Variants in ANKRD31 observed in about 807,000 individuals in gnomAD.
ANKRD31 encodes the protein ankyrin repeat domain-containing protein 31.
A neutral mutation model predicts 186.0 loss-of-function variants in ANKRD31; 147 were observed. The observed-to-expected ratio is 0.79, with a 90% CI of 0.69 to 0.91. The LOEUF is 0.91. Among genes scored for constraint, ANKRD31 ranks in the 40% least tolerant of loss-of-function variants. The pLI is 0.00. For missense variants in ANKRD31, 1,986 were observed against 2,148.8 expected, an observed-to-expected ratio of 0.92 and a Z score of 1.50; for synonymous variants, 673 against 736.4, an observed-to-expected ratio of 0.91 and a Z score of 1.39.
intron 11 of ANKRD31, among the ~76,000 whole-genome samples, chr5:75,161,702 T>C (rs1055165140): frequency 1.3e-4 from 20 of 152,168 alleles, no homozygotes; most frequent in Non-Finnish European, 2.6e-4. Flanking sequence ...AATGGTTTCA[T>C]GGGCCCGGGC....
intron 8 of ANKRD31, among the ~76,000 whole-genome samples, chr5:75,193,009 T>A (rs1387850676): frequency 6.6e-6 from 1 of 152,108 alleles, no homozygotes; most frequent in Non-Finnish European, 1.5e-5. Context: ...GTTTCTCTTC[T>A]TTAGGATTAG....
In ANKRD31 at chr5:75,104,356, G is replaced by A. The variant is rs1747152881; in HGVS notation, c.5203C>T (p.Gln1735Ter). 6.5e-7 allele frequency: 1 copy of A among 1,536,704 alleles called. No homozygotes were observed. Among genetic ancestry groups the A allele is most frequent in the Non-Finnish European group, 8.7e-7 (1 of 1,146,810 alleles). Reference protein sequence around the residue: ...SQISSSSGSGQQDTIKKALNY... With the variant: ...SQISSSSGSG The stretch of plus-strand genomic sequence containing the variant: ...AAAGCCTTTTTTATTGTATCTTGTT[G>A]CCCAGATCCAGAGGAAGAGGAGATC... The change falls in exon 22 of 26, where the codon CAA becomes TAA. Residue 1735 changes from glutamine (Q) to a stop codon, truncating the protein, a stop_gained. Coordinates refer to ENST00000506364, the MANE Select transcript of ANKRD31 (RefSeq NM_001372053.1). LOFTEE classifies it high-confidence loss of function.
intron 11 of ANKRD31, among the ~76,000 whole-genome samples, chr5:75,160,204 A>C (rs1343035304): frequency 6.6e-6 from 1 of 152,122 alleles, no homozygotes; most frequent in Admixed American, 6.6e-5. Flanking sequence ...ATAGAACAAA[A>C]ATAGGGAAAA....
chr5:75,080,341 T>C (rs907355129), intron 25 of ANKRD31, among the ~76,000 whole-genome samples: 1 of 152,212 alleles, frequency 6.6e-6, no homozygotes, highest in Admixed American at 6.5e-5. Flanking sequence ...TGGAAAGCTA[T>C]GGTGTGCCAG....
At chr5:75,203,783 TAC>T (rs932009177) in intron 5 of ANKRD31, among the ~76,000 whole-genome samples, 20 of 152,098 alleles carry the variant, frequency 1.3e-4, no homozygotes, top group African/African-American at 4.6e-4. Context: ...TACATCCTCA[TAC>T]ACACACACAA....
At chr5:75,149,184 A>G (rs1751690669) in intron 12 of ANKRD31, among the ~76,000 whole-genome samples, 1 of 151,880 alleles carries the variant, frequency 6.6e-6, no homozygotes, top group Non-Finnish European at 1.5e-5. Flanking sequence ...GTCTCTTCAT[A>G]GCCTCCTTTA....
intron 24 of ANKRD31, 109 bp downstream of exon 24, chr5:75,084,163 T>C: frequency 2.5e-6 from 2 of 796,614 alleles, no homozygotes; most frequent in Non-Finnish European, 4.0e-6. Flanking sequence ...ATTATAATGA[T>C]TGTTAATTTC....
chr5:75,204,448 T>C (rs1756019355), intron 5 of ANKRD31, among the ~76,000 whole-genome samples: 8 of 152,236 alleles, frequency 5.3e-5, no homozygotes, highest in Admixed American at 4.6e-4. Context: ...ATCTAATGTT[T>C]TGTCCGAGAA....
At chr5:75,081,759 G>GGA (rs148500356) in intron 24 of ANKRD31, among the ~76,000 whole-genome samples, 2 of 150,422 alleles carry the variant, frequency 1.3e-5, no homozygotes, top group East Asian at 3.9e-4. Flanking sequence ...CAACGGGGGC[G>GGA]GAGAGAGAGA....
chr5:75,140,219 A>C (rs893199723), intron 15 of ANKRD31, among the ~76,000 whole-genome samples: 2 of 145,366 alleles, frequency 1.4e-5, no homozygotes, highest in Non-Finnish European at 1.5e-5. Context: ...AAAGAAAAGA[A>C]AAGAAAAGAA....
chr5:75,146,245 T>G lies in ANKRD31; in HGVS notation c.3166A>C (p.Lys1056Gln). The G allele has an allele frequency of 1.3e-6, 2 of 1,536,482 alleles. No homozygotes were observed. Among genetic ancestry groups the G allele is most frequent in the Non-Finnish European group, 1.7e-6 (2 of 1,146,444 alleles). ...TCAGTGTCACAATTCTTTGCCATCTTTTCCACAATATGTGTATCTGTTTGA... is the reference window on the plus strand; with the variant it reads ...TCAGTGTCACAATTCTTTGCCATCTGTTCCACAATATGTGTATCTGTTTGA... ...MNQTDTHIVE[K>Q]MAKNCDTERN... Residue 1056 changes from lysine to glutamine, a missense_variant, in exon 14 of 26, where the codon AAG (lysine) becomes CAG (glutamine). Physicochemically the swap from Lys to Gln is moderately conservative, Grantham distance 53 (BLOSUM62 1). Coordinates refer to ENST00000506364, the MANE Select transcript of ANKRD31 (RefSeq NM_001372053.1).
intron 10 of ANKRD31, among the ~76,000 whole-genome samples, chr5:75,188,216 A>G (rs1310634276): frequency 1.3e-5 from 2 of 152,116 alleles, no homozygotes; most frequent in Non-Finnish European, 2.9e-5. Flanking sequence ...TGACCATGCA[A>G]AGCCAGCCCC....
chr5:75,205,279 T>C (rs1053773067), intron 5 of ANKRD31, among the ~76,000 whole-genome samples: 1 of 152,244 alleles, frequency 6.6e-6, no homozygotes, highest in Admixed American at 6.5e-5. Flanking sequence ...CACAAACTTA[T>C]TTGCATGAAC....
At chr5:75,144,830 T>G (rs1189202488) in intron 14 of ANKRD31, among the ~76,000 whole-genome samples, 1 of 152,016 alleles carries the variant, frequency 6.6e-6, no homozygotes, top group East Asian at 1.9e-4. Context: ...GGAAGAAAAT[T>G]TTTGCGATCT....
At chr5:75,210,130 A>C (rs2150285362) in intron 4 of ANKRD31, among the ~76,000 whole-genome samples, 1 of 152,182 alleles carries the variant, frequency 6.6e-6, no homozygotes, top group East Asian at 1.9e-4. Flanking sequence ...CTGAAAGGAC[A>C]GTTTCTTTCC....
Position 75,196,219 on chromosome 5 carries a change from AATTACATC to A in ANKRD31, c.448-27_448-20del. 7.0e-7 allele frequency: 1 copy of A among 1,426,120 alleles called. No homozygotes were observed. Among genetic ancestry groups the A allele is most frequent in the Non-Finnish European group, 9.1e-7 (1 of 1,093,084 alleles). 88.3% of individuals were successfully genotyped at this position (1,426,120 alleles called of 1,614,324 possible). ...TTAGTTCCTGTGTATTACAAATAGA[AATTACATC>A]ATTACAGCATATACAATAAAGTATT... On this transcript the variant is annotated intron_variant, in intron 6 of 25. Transcript: ENST00000506364.
At position 75,116,611 on chromosome 5, in the gene ANKRD31, T is replaced by C. The variant is rs1030660889; in HGVS notation, c.4110A>G (p.Ser1370=). 10 of 1,473,954 alleles carry C rather than the reference T, an allele frequency of 6.8e-6. No homozygotes were observed. Among genetic ancestry groups the C allele is most frequent in the East Asian group, 2.5e-5 (1 of 40,164 alleles). The allele number at this position is 1,473,954 out of a possible 1,614,324, so 91.3% of individuals were successfully genotyped here. A position where few individuals can be genotyped will look rare whatever the true frequency, so the allele number is the denominator to read the frequency against. Residue 1370 remains serine (S), a synonymous_variant, in exon 19 of 26, where the codon TCA becomes TCG. Coordinates refer to ENST00000506364, the MANE Select transcript of ANKRD31 (RefSeq NM_001372053.1). ...ATCTTTCTTGGTGTGAAAGGGAAGA[T>C]GAGTCAATAGTTTTGCCATCATCAC... ...CFCDDGKTID[S]SSLSHQERSR...
chr5:75,083,556 C>T (rs1465890897), intron 24 of ANKRD31, among the ~76,000 whole-genome samples: 1 of 152,056 alleles, frequency 6.6e-6, no homozygotes, highest in Non-Finnish European at 1.5e-5. Context: ...TGGTGAAACC[C>T]CGTCTCCACT....
chr5:75,170,068 G>A (rs1002385331), intron 10 of ANKRD31, among the ~76,000 whole-genome samples: 1 of 152,062 alleles, frequency 6.6e-6, no homozygotes, highest in Non-Finnish European at 1.5e-5. Context: ...TAAATATATA[G>A]TTAACAAGGT....
Sources: gnomAD v4.1 joint callset for allele counts (sites outside exome capture counted in the v4.1 genomes callset) on GRCh38, gnomAD v4.1.1 for gene constraint, MANE v1.5 for transcripts, NCBI Gene and HGNC (gene_info 2026-07-23, HGNC 2026-07-21) for gene names.